COG7: variants seen among roughly 807,000 people sequenced by gnomAD.
COG7 encodes conserved oligomeric Golgi complex subunit 7.
Under a neutral mutation model 91.5 loss-of-function variants are expected in COG7, and 49 were observed. The observed-to-expected ratio is 0.54, with a 90% CI of 0.43 to 0.68. The LOEUF (loss-of-function observed/expected upper bound fraction) is 0.68. COG7 is among the 30% of genes least tolerant of loss of function. The probability of loss-of-function intolerance (pLI) is 0.00; values close to 1 mark genes in which losing one functional copy is unlikely to be tolerated. For synonymous variants in COG7, 365 were observed against 388.7 expected (o/e 0.94, Z 0.72); for missense variants, 895 against 961.3 (o/e 0.93, Z 0.91).
At chr16:23,445,190 A>G in intron 2 of COG7, 26 bp from the exon 3 acceptor site, 1 of 1,507,844 alleles carries the variant, frequency 6.6e-7, no homozygotes, top group South Asian at 1.1e-5. Context: ...GGGGTGAAAA[A>G]TGAAGGGGTA....
intron 4 of COG7, 54 bp from the exon 5 acceptor site, chr16:23,434,772 G>T: frequency 8.0e-7 from 1 of 1,248,312 alleles, no homozygotes; most frequent in Non-Finnish European, 1.2e-6. Flanking sequence ...GTGTAGACAT[G>T]AGAAAAAACT....
chr16:23,434,005 T>C (rs1266809929), intron 5 of COG7, among the ~76,000 whole-genome samples: 1 of 152,196 alleles, frequency 6.6e-6, no homozygotes, highest in Admixed American at 6.5e-5. Context: ...TTAAGCTTCA[T>C]GTCCTAACAT....
chr16:23,424,514 G>A (rs1326798098), intron 7 of COG7, among the ~76,000 whole-genome samples: 1 of 152,098 alleles, frequency 6.6e-6, no homozygotes, highest in Non-Finnish European at 1.5e-5. Flanking sequence ...CACTTCCCCA[G>A]AGCATGTAAG....
Position 23,388,852 on chromosome 16 carries a change from G to A in COG7, c.*68C>T, listed in dbSNP as rs1963137210. On this transcript the variant is annotated 3_prime_UTR_variant, in exon 17 of 17. Coordinates refer to ENST00000307149, the MANE Select transcript of COG7 (RefSeq NM_153603.4). ...GCCCAATCTTGGGCAGAGTTTCTGA[G>A]CAAATCTGTGCTGGTGAGTCGCGAA... 3.1e-6 allele frequency: 5 copies of A among 1,609,788 alleles called. No individual in the cohort carries two copies. Among genetic ancestry groups the A allele is most frequent in the African/African-American group, 1.3e-5 (1 of 74,436 alleles).
At chr16:23,402,563 G>A (rs999907219) in intron 13 of COG7, among the ~76,000 whole-genome samples, 1 of 152,086 alleles carries the variant, frequency 6.6e-6, no homozygotes, top group Non-Finnish European at 1.5e-5. Context: ...ATCTATATAA[G>A]AATTACTATA....
At chr16:23,408,125 G>GA (rs1203214607) in intron 11 of COG7, among the ~76,000 whole-genome samples, 2 of 50,240 alleles carry the variant, frequency 4.0e-5, no homozygotes, top group Non-Finnish European at 7.5e-5. Context: ...AGAGATAGGG[G>GA]CGAGTGGGGC....
intron 12 of COG7, among the ~76,000 whole-genome samples, 167 bp from the exon 13 acceptor site, chr16:23,404,001 A>G (rs1466129486): frequency 6.6e-6 from 1 of 152,208 alleles, no homozygotes; most frequent in Non-Finnish European, 1.5e-5. Context: ...TGAATTACAG[A>G]TTCCCAAGCT....
intron 1 of COG7, 143 bp from the exon 2 acceptor site, chr16:23,446,104 T>C (rs1964178869): frequency 2.0e-6 from 2 of 978,480 alleles, no homozygotes; most frequent in Admixed American, 2.4e-5. Context: ...TTTTGGAGCC[T>C]GCAGAAAATA....
intron 6 of COG7, among the ~76,000 whole-genome samples, chr16:23,426,834 A>AAAAAAAAAAAAAAAAAAAAG (rs1555495229): frequency 1.4e-5 from 2 of 146,060 alleles, no homozygotes; most frequent in African/African-American, 5.1e-5. Flanking sequence ...AAAAAAAAAA[A>AAAAAAAAAAAAAAAAAAAAG]AAAGAAAGAA....
chr16:23,410,377 G>C lies in COG7; in HGVS notation c.1410-17C>G. On this transcript the variant is annotated splice_polypyrimidine_tract_variant and intron_variant, in intron 10 of 16. Coordinates refer to ENST00000307149, the MANE Select transcript of COG7 (RefSeq NM_153603.4). ...GCTATTATCCTAAACAAAACAAAAAGCACTTCAAGTTCAAGTATCTGGAAT... is the reference window on the plus strand; with the variant it reads ...GCTATTATCCTAAACAAAACAAAAACCACTTCAAGTTCAAGTATCTGGAAT... 6.2e-7 allele frequency: 1 copy of C among 1,610,484 alleles called. No homozygotes were observed. Among genetic ancestry groups the C allele is most frequent in the Non-Finnish European group, 8.5e-7 (1 of 1,177,120 alleles).
chr16:23,395,796 G>C (rs887653419), intron 14 of COG7, among the ~76,000 whole-genome samples: 2 of 152,212 alleles, frequency 1.3e-5, no homozygotes, highest in Admixed American at 6.5e-5. Context: ...TTGATATCCT[G>C]GTTGGGTTAA....
At chr16:23,403,429 G>C (rs955147744) in intron 13 of COG7, among the ~76,000 whole-genome samples, 2 of 152,224 alleles carry the variant, frequency 1.3e-5, no homozygotes, top group African/African-American at 4.8e-5. Context: ...TTACTTCTCT[G>C]CTGCTCCAAA....
intron 1 of COG7, chr16:23,446,796 G>C (rs2142097072): frequency 6.6e-6 from 1 of 152,392 alleles, no homozygotes; most frequent in Non-Finnish European, 1.5e-5. Context: ...CGGTTGCCCA[G>C]ACTGGAGTGC....
intron 4 of COG7, among the ~76,000 whole-genome samples, chr16:23,439,668 G>C (rs886759280): frequency 6.6e-6 from 1 of 152,172 alleles, no homozygotes; most frequent in African/African-American, 2.4e-5. Flanking sequence ...GACAAAAGTA[G>C]AATGATGATT....
In COG7 at chr16:23,407,462, G is replaced by C. The variant is rs142750916; in HGVS notation, c.1476-1200C>G. Among the ~76,000 whole-genome samples, 1,379 of 152,304 alleles carry C rather than the reference G, an allele frequency of 9.1e-3. 23 individuals carry two copies. Among genetic ancestry groups the C allele is most frequent in the African/African-American group, 0.031 (1,302 of 41,546 alleles). On this transcript the variant is annotated intron_variant, in intron 11 of 16. Transcript: ENST00000307149. Reference sequence around the variant, plus strand: ...AAGGGTTAGCAGAATGATCTTCCCAGAAGGCAAATCTGATTTTGGCTTTTT... The same window carrying C: ...AAGGGTTAGCAGAATGATCTTCCCACAAGGCAAATCTGATTTTGGCTTTTT...
intron 9 of COG7, 60 bp from the exon 10 acceptor site, chr16:23,413,624 G>A (rs1963604684): frequency 1.1e-6 from 1 of 919,074 alleles, no homozygotes; most frequent in African/African-American, 1.6e-5. Flanking sequence ...ACTCTAAAGA[G>A]ACCTGGAATT....
chr16:23,394,032 T>A (rs1198725293), intron 14 of COG7, among the ~76,000 whole-genome samples: 3 of 136,606 alleles, frequency 2.2e-5, no homozygotes, highest in Non-Finnish European at 4.6e-5. Flanking sequence ...AGACTCTGTC[T>A]CAAAAAAAAA....
intron 7 of COG7, among the ~76,000 whole-genome samples, chr16:23,423,609 CA>C (rs1049646942): frequency 6.6e-6 from 1 of 152,118 alleles, no homozygotes; most frequent in Non-Finnish European, 1.5e-5. Context: ...GTGAGCATGC[CA>C]AAAACACCGA....
At chr16:23,394,747 A>G (rs771334669) in intron 14 of COG7, 6 of 152,054 alleles carry the variant, frequency 3.9e-5, no homozygotes, top group Admixed American at 2.0e-4. Context: ...CAAACATTCA[A>G]TATGGTTTGG....
Sources: allele counts gnomAD v4.1 joint callset (sites outside exome capture counted in the v4.1 genomes callset), GRCh38; gene constraint gnomAD v4.1.1; transcripts MANE v1.5; gene names NCBI Gene and HGNC (gene_info 2026-07-23, HGNC 2026-07-21).